VPS13D: variants seen among roughly 807,000 people sequenced by gnomAD.
VPS13D encodes intermembrane lipid transfer protein VPS13D.
A neutral mutation model predicts 461.9 loss-of-function variants in VPS13D; 187 were observed. The ratio of observed to expected loss-of-function variants is 0.40; its 90% CI spans 0.36 to 0.46. The LOEUF is 0.46. Among genes scored for constraint, VPS13D ranks in the 20% least tolerant of loss-of-function variants. The pLI is 0.60. For missense variants in VPS13D, 4,711 were observed against 5,364.9 expected, an observed-to-expected ratio of 0.88 and a Z score of 3.81; for synonymous variants, 1,951 against 1,986.3, an observed-to-expected ratio of 0.98 and a Z score of 0.47.
At chr1:12,468,292 G>C (rs1287121517) in intron 67 of VPS13D, among the ~76,000 whole-genome samples, 1 of 152,190 alleles carries the variant, frequency 6.6e-6, no homozygotes, top group Non-Finnish European at 1.5e-5. Flanking sequence ...TTTGTTATTT[G>C]TGGAACTCCT....
chr1:12,429,609 A>G (rs1187149536), intron 65 of VPS13D, among the ~76,000 whole-genome samples: 1 of 152,252 alleles, frequency 6.6e-6, no homozygotes, highest in Non-Finnish European at 1.5e-5. Flanking sequence ...ACTTTTTAAA[A>G]GTTTATTTAC....
intron 57 of VPS13D, among the ~76,000 whole-genome samples, chr1:12,380,265 T>C (rs1644256129): frequency 6.6e-6 from 1 of 152,186 alleles, no homozygotes. Flanking sequence ...AAATTACCTA[T>C]GTAATTTTAA....
intron 65 of VPS13D, 64 bp downstream of exon 65, chr1:12,416,891 T>C: frequency 6.8e-7 from 1 of 1,471,144 alleles, no homozygotes; most frequent in Non-Finnish European, 9.1e-7. Context: ...GTACTACAAT[T>C]TCTTTTATAG....
chr1:12,358,558 A>G lies in VPS13D; in HGVS notation c.10098A>G (p.Lys3366=), dbSNP rs766706689. Reference sequence around the variant, plus strand: ...GTGGTAGTGGTGTCCGAGCTTTGAAAGTCATCCAGCAAGGAAACCGCCCAG... The same window carrying G: ...GTGGTAGTGGTGTCCGAGCTTTGAAGGTCATCCAGCAAGGAAACCGCCCAG... ...LDGGSGVRAL[K]VIQQGNRPGL... The change falls in exon 50 of 70, where the codon AAA becomes AAG. Residue 3366 remains lysine (K), a synonymous_variant. Transcript: ENST00000620676. 2 of 1,614,174 alleles carry G rather than the reference A, an allele frequency of 1.2e-6. No individual in the cohort carries two copies. Among genetic ancestry groups the G allele is most frequent in the Non-Finnish European group, 1.7e-6 (2 of 1,180,028 alleles).
At chr1:12,474,950 G>A (rs1191124026) in intron 67 of VPS13D, among the ~76,000 whole-genome samples, 1 of 152,066 alleles carries the variant, frequency 6.6e-6, no homozygotes, top group Non-Finnish European at 1.5e-5. Flanking sequence ...TACTAATGCA[G>A]ATTTTTTTTT....
intron 34 of VPS13D, among the ~76,000 whole-genome samples, chr1:12,323,317 C>T (rs556082075): frequency 6.6e-6 from 1 of 152,030 alleles, no homozygotes; most frequent in African/African-American, 2.4e-5. Flanking sequence ...CTCGAGTAGT[C>T]CCCCTGCCTT....
chr1:12,392,369 C>T (rs1257693587), intron 60 of VPS13D, among the ~76,000 whole-genome samples: 3 of 151,170 alleles, frequency 2.0e-5, no homozygotes, highest in Admixed American at 6.6e-5. Flanking sequence ...GTCTCAGCTA[C>T]TTCGGAGGCT....
chr1:12,290,144 C>T lies in VPS13D; in HGVS notation c.5726-854C>T, dbSNP rs533172068. On this transcript the variant is annotated intron_variant, in intron 22 of 69. Coordinates refer to ENST00000620676, the MANE Select transcript of VPS13D (RefSeq NM_015378.4). ...ATTCTAGTCGTACATGTTTCAGTCA[C>T]GTCTTCTTTCTTCTTTCCACCTTCC... 5.9e-5 allele frequency among the ~76,000 whole-genome samples: 9 copies of T among 152,196 alleles called. No homozygotes were observed. The South Asian group carries it at 1.5e-3, about 25-fold the overall frequency.
Position 12,283,750 on chromosome 1 carries a change from C to G in VPS13D, c.5634+14C>G. The G allele has an allele frequency of 6.3e-7, 1 of 1,595,760 alleles. No homozygotes were observed. The highest frequency in any genetic ancestry group is 8.5e-7 in the Non-Finnish European group (1 of 1,169,902). On this transcript the variant is annotated intron_variant, in intron 21 of 69. Transcript: ENST00000620676. ...CTGGATCTCAAGGTATCCTCAGTTC[C>G]CTTTGGCTCCCTTAAGCTCTAAAAA...
In VPS13D at chr1:12,267,849, A is replaced by G. The variant is rs1425747575; in HGVS notation, c.1730A>G (p.Lys577Arg). Residue 577 changes from lysine to arginine, a missense_variant, in exon 15 of 70, where the codon AAA becomes AGA. By Grantham distance (26) the Lys-to-Arg change is conservative. Coordinates refer to ENST00000620676, the MANE Select transcript of VPS13D (RefSeq NM_015378.4). ...FPLLVFPNPQ[K>R]EVGRVSQSFG... is the part of the protein sequence containing the mutation. The stretch of plus-strand genomic sequence containing the variant: ...TTTTGTGTGTTTGTTTAATAGCAAA[A>G]AGAAGTTGGCAGAGTCTCACAATCT... 1 of 1,614,030 alleles carries G rather than the reference A, an allele frequency of 6.2e-7. No individual in the cohort carries two copies. Among genetic ancestry groups the G allele is most frequent in the Non-Finnish European group, 8.5e-7 (1 of 1,180,000 alleles).
intron 67 of VPS13D, among the ~76,000 whole-genome samples, chr1:12,480,224 TCTGCCATG>T (rs1201367211): frequency 6.6e-6 from 1 of 152,206 alleles, no homozygotes; most frequent in Admixed American, 6.5e-5. Flanking sequence ...CCATCTTTGC[TCTGCCATG>T]CTGCCAAGAC....
intron 60 of VPS13D, among the ~76,000 whole-genome samples, chr1:12,387,670 A>G (rs1471899045): frequency 6.6e-6 from 1 of 152,394 alleles, no homozygotes. Context: ...TTAAGTAGCA[A>G]TATGGAAGAC....
chr1:12,391,919 G>A (rs1225216402), intron 60 of VPS13D, among the ~76,000 whole-genome samples: 4 of 152,000 alleles, frequency 2.6e-5, no homozygotes, highest in Non-Finnish European at 4.4e-5. Context: ...GGAGTGCAGT[G>A]GTCCTCCCTC....
At chr1:12,262,908 T>C (rs1454839209) in intron 13 of VPS13D, among the ~76,000 whole-genome samples, 1 of 152,046 alleles carries the variant, frequency 6.6e-6, no homozygotes, top group Non-Finnish European at 1.5e-5. Context: ...ATCGCTACGT[T>C]GGCCAGGCTG....
At chr1:12,419,128 C>A (rs1037800496) in intron 65 of VPS13D, among the ~76,000 whole-genome samples, 2 of 152,214 alleles carry the variant, frequency 1.3e-5, no homozygotes, top group Non-Finnish European at 2.9e-5. Context: ...TCCCTACCCC[C>A]ACCCTCATCC....
chr1:12,444,906 A>G (rs1413753172), intron 65 of VPS13D, among the ~76,000 whole-genome samples: 3 of 152,090 alleles, frequency 2.0e-5, no homozygotes, highest in Admixed American at 6.6e-5. Context: ...CTTTCCTTCT[A>G]CCTCAGATAC....
At chr1:12,239,235 C>T (rs1640266269) in intron 2 of VPS13D, among the ~76,000 whole-genome samples, 1 of 152,042 alleles carries the variant, frequency 6.6e-6, no homozygotes, top group Non-Finnish European at 1.5e-5. Context: ...TCTCTGGGCT[C>T]AAGTAATCTT....
chr1:12,497,724 C>A, intron 68 of VPS13D, 93 bp downstream of exon 68: 3 of 1,444,402 alleles, frequency 2.1e-6, no homozygotes, highest in Non-Finnish European at 2.8e-6. Context: ...GAGTTATTTT[C>A]ATGACTCTTG....
intron 65 of VPS13D, among the ~76,000 whole-genome samples, chr1:12,452,785 G>A (rs1327021493): frequency 6.6e-6 from 1 of 152,200 alleles, no homozygotes; most frequent in Admixed American, 6.5e-5. Context: ...TACAGGTTTG[G>A]TTGGATCATA....
Sources: gnomAD v4.1 joint callset for allele counts (sites outside exome capture counted in the v4.1 genomes callset) on GRCh38, gnomAD v4.1.1 for gene constraint, MANE v1.5 for transcripts, NCBI Gene and HGNC (gene_info 2026-07-23, HGNC 2026-07-21) for gene names.